Variants in UVRAG observed in about 807,000 individuals in gnomAD.
The protein encoded by UVRAG is UV radiation resistance-associated gene protein.
In UVRAG, 19 loss-of-function variants were observed where a neutral mutation model predicts 78.0. That is an observed-to-expected ratio of 0.24 (90% CI 0.17 to 0.36). The LOEUF (loss-of-function observed/expected upper bound fraction) is 0.36. UVRAG is among the 10% of genes least tolerant of loss of function. The pLI is 1.00. For synonymous variants in UVRAG, 323 were observed against 324.6 expected (o/e 1.00, Z 0.05); for missense variants, 740 against 853.8 (o/e 0.87, Z 1.66).
At chr11:75,865,874 CA>C (rs1946526195) in intron 3 of UVRAG, among the ~76,000 whole-genome samples, 1 of 152,168 alleles carries the variant, frequency 6.6e-6, no homozygotes. Flanking sequence ...CTCAGCTTCC[CA>C]AAGTGCTGGG....
At chr11:75,968,287 A>C (rs1222709018) in intron 7 of UVRAG, among the ~76,000 whole-genome samples, 1 of 152,216 alleles carries the variant, frequency 6.6e-6, no homozygotes, top group Admixed American at 6.5e-5. Flanking sequence ...GTGTTGTATA[A>C]AAACACTAAA....
At chr11:75,981,708 T>TGGA (rs1949399092) in intron 7 of UVRAG, among the ~76,000 whole-genome samples, 3 of 152,162 alleles carry the variant, frequency 2.0e-5, no homozygotes, top group Non-Finnish European at 4.4e-5. Flanking sequence ...TTGGTATAGT[T>TGGA]ACACAGGTCC....
intron 12 of UVRAG, among the ~76,000 whole-genome samples, chr11:76,040,423 A>G (rs1950623477): frequency 6.7e-6 from 1 of 149,744 alleles, no homozygotes; most frequent in East Asian, 2.0e-4. Context: ...CAGTGAGCCG[A>G]GATCACACCA....
In UVRAG at chr11:75,928,721, C is replaced by T. The variant is rs367553066; in HGVS notation, c.593+16682C>T. Among the ~76,000 whole-genome samples the T allele has an allele frequency of 1.6e-4, 25 of 151,950 alleles. No individual in the cohort carries two copies. In the East Asian group the frequency reaches 2.9e-3, roughly 18 times the overall value. ...TTGGGAGGCCCAGGTGGGCGGATCA[C>T]GAGGTCAGGAGATTGAGACTATCCT... On this transcript the variant is annotated intron_variant, in intron 6 of 14. Coordinates refer to ENST00000356136, the MANE Select transcript of UVRAG (RefSeq NM_003369.4).
At chr11:75,848,888 G>A (rs1946090811) in intron 1 of UVRAG, among the ~76,000 whole-genome samples, 1 of 152,144 alleles carries the variant, frequency 6.6e-6, no homozygotes, top group African/African-American at 2.4e-5. Flanking sequence ...ACTTAGAAAT[G>A]TAAGACTAGG....
chr11:75,913,180 G>A (rs1947775176), intron 6 of UVRAG, among the ~76,000 whole-genome samples: 1 of 152,164 alleles, frequency 6.6e-6, no homozygotes, highest in African/African-American at 2.4e-5. Flanking sequence ...GTTTTCCTTA[G>A]TAAGTAAAAT....
chr11:76,085,693 T>C (rs1951577418), intron 13 of UVRAG, among the ~76,000 whole-genome samples: 8 of 152,308 alleles, frequency 5.3e-5, no homozygotes, highest in Admixed American at 4.6e-4. Flanking sequence ...GACTTTATTA[T>C]ATATACATCT....
Position 76,089,905 on chromosome 11 carries a change from A to G in UVRAG, c.1305+24117A>G, listed in dbSNP as rs144709024. ...TCCTAAGCCTCCCAACCAACTGAAC[A>G]TACCCCGTTTTGGCCAGAAGGACCC... On this transcript the variant is annotated intron_variant, in intron 13 of 14. Coordinates refer to ENST00000356136, the MANE Select transcript of UVRAG (RefSeq NM_003369.4). 2.4e-3 allele frequency among the ~76,000 whole-genome samples: 366 copies of G among 152,200 alleles called. 2 individuals are homozygous for G. Among genetic ancestry groups the G allele is most frequent in the Middle Eastern group, 0.02 (6 of 294 alleles).
At chr11:76,062,117 A>G (rs759312745) in intron 12 of UVRAG, among the ~76,000 whole-genome samples, 5 of 152,172 alleles carry the variant, frequency 3.3e-5, no homozygotes, top group Non-Finnish European at 7.4e-5. Flanking sequence ...GTGGCTGCAT[A>G]ACTAAGCTCT....
intron 13 of UVRAG, among the ~76,000 whole-genome samples, chr11:76,110,082 C>A (rs2134457004): frequency 6.6e-6 from 1 of 152,142 alleles, no homozygotes; most frequent in Admixed American, 6.5e-5. Flanking sequence ...GTAACTCTTT[C>A]CTTCTTCCTT....
chr11:76,003,947 GT>G (rs1949872581), intron 8 of UVRAG, 57 bp from the exon 9 acceptor site: 1 of 1,522,812 alleles, frequency 6.6e-7, no homozygotes. Context: ...GGCCTCTTTG[GT>G]TGTGATTGAG....
chr11:75,815,938 C>T (rs1945255868), intron 1 of UVRAG, among the ~76,000 whole-genome samples: 1 of 152,232 alleles, frequency 6.6e-6, no homozygotes, highest in Non-Finnish European at 1.5e-5. Context: ...TCTTTCCCCA[C>T]CTGGCCATCC....
intron 1 of UVRAG, among the ~76,000 whole-genome samples, chr11:75,820,149 T>A (rs1014761658): frequency 3.3e-5 from 5 of 151,992 alleles, no homozygotes; most frequent in African/African-American, 1.2e-4. Flanking sequence ...TTAATTTTTT[T>A]AAGTTTTTCA....
intron 1 of UVRAG, among the ~76,000 whole-genome samples, chr11:75,819,807 A>G (rs1028145687): frequency 2.0e-5 from 3 of 151,856 alleles, no homozygotes; most frequent in African/African-American, 7.3e-5. Flanking sequence ...TGTCTCTACT[A>G]AAAATAGAAA....
chr11:75,943,904 C>A (rs1230025773), intron 6 of UVRAG, among the ~76,000 whole-genome samples: 1 of 152,120 alleles, frequency 6.6e-6, no homozygotes, highest in Non-Finnish European at 1.5e-5. Flanking sequence ...GACTCCTGGT[C>A]TTTTGGGAAA....
chr11:75,898,026 GC>G (rs912036831), intron 5 of UVRAG, among the ~76,000 whole-genome samples: 2 of 150,598 alleles, frequency 1.3e-5, no homozygotes, highest in African/African-American at 4.9e-5. Flanking sequence ...CTGCCACCAC[GC>G]CCGGCTAATT....
chr11:76,032,967 A>T (rs1950463308), intron 12 of UVRAG, among the ~76,000 whole-genome samples: 1 of 152,222 alleles, frequency 6.6e-6, no homozygotes, highest in Non-Finnish European at 1.5e-5. Flanking sequence ...TTAAGTGGTT[A>T]ATATTAAAAT....
intron 12 of UVRAG, among the ~76,000 whole-genome samples, chr11:76,044,536 C>A (rs1301304067): frequency 6.6e-6 from 1 of 152,222 alleles, no homozygotes; most frequent in Non-Finnish European, 1.5e-5. Context: ...CTTTGGGAGG[C>A]TGAGGCGGGC....
chr11:75,913,455 C>T (rs778950710), intron 6 of UVRAG, among the ~76,000 whole-genome samples: 66 of 152,278 alleles, frequency 4.3e-4, no homozygotes, highest in Middle Eastern at 6.8e-3. Flanking sequence ...TAATCCTACC[C>T]TGCCTTTATC....
Sources: allele counts gnomAD v4.1 joint callset (sites outside exome capture counted in the v4.1 genomes callset), GRCh38; gene constraint gnomAD v4.1.1; transcripts MANE v1.5; gene names NCBI Gene and HGNC (gene_info 2026-07-23, HGNC 2026-07-21).